Variants in ANO4 observed in about 807,000 individuals in gnomAD.
ANO4 encodes anoctamin 4.
ANO4 carries 69 observed loss-of-function variants against 141.9 expected under a neutral mutation model. The ratio of observed to expected loss-of-function variants is 0.49; its 90% CI spans 0.40 to 0.59. The LOEUF (loss-of-function observed/expected upper bound fraction) is 0.59, where lower values mean the gene tolerates loss of function less well. ANO4 is among the 20% of genes least tolerant of loss of function. The probability of loss-of-function intolerance (pLI) is 0.00; values close to 1 mark genes in which losing one functional copy is unlikely to be tolerated. For synonymous variants in ANO4, 350 were observed against 394.3 expected (o/e 0.89, Z 1.33); for missense variants, 894 against 1,162.2 (o/e 0.77, Z 3.36).
At chr12:100,736,951 C>T (rs1269747601) in intron 2 of ANO4, among the ~76,000 whole-genome samples, 2 of 152,106 alleles carry the variant, frequency 1.3e-5, no homozygotes, top group African/African-American at 4.8e-5. Context: ...CCCCCAGAAC[C>T]ATGAGAGAAT....
At chr12:100,890,126 G>A (rs2040032431) in intron 1 of ANO4, among the ~76,000 whole-genome samples, 1 of 152,068 alleles carries the variant, frequency 6.6e-6, no homozygotes, top group South Asian at 2.1e-4. Flanking sequence ...GCACCATGCT[G>A]TGTGAAAACA....
At chr12:100,938,480 A>C (rs1305480536) in intron 3 of ANO4, among the ~76,000 whole-genome samples, 1 of 152,226 alleles carries the variant, frequency 6.6e-6, no homozygotes, top group Non-Finnish European at 1.5e-5. Flanking sequence ...ACAGGTTATA[A>C]ACCCTCAGCC....
chr12:100,905,371 G>A (rs1263522141), intron 2 of ANO4, among the ~76,000 whole-genome samples: 1 of 152,052 alleles, frequency 6.6e-6, no homozygotes, highest in Non-Finnish European at 1.5e-5. Flanking sequence ...TGAACCACGA[G>A]CAAGAAGGCC....
chr12:100,859,224 G>A (rs2038345036), intron 1 of ANO4: 1 of 152,142 alleles, frequency 6.6e-6, no homozygotes, highest in Non-Finnish European at 1.5e-5. Flanking sequence ...GACTTGACTT[G>A]TTTTAGCCAG....
At chr12:100,737,202 A>G (rs2031653806) in intron 2 of ANO4, among the ~76,000 whole-genome samples, 2 of 152,170 alleles carry the variant, frequency 1.3e-5, no homozygotes, top group African/African-American at 2.4e-5. Flanking sequence ...GGATGGGTTG[A>G]TTAGGCTGCT....
At chr12:100,939,476 A>G (rs1290313997) in intron 4 of ANO4, 25 bp downstream of exon 4, 13 of 1,608,326 alleles carry the variant, frequency 8.1e-6, no homozygotes, top group Non-Finnish European at 1.1e-5. Context: ...TTTCTTACAA[A>G]TGTAATTCGT....
At chr12:101,043,659 A>G in intron 13 of ANO4, 24 bp downstream of exon 13, 1 of 1,546,360 alleles carries the variant, frequency 6.5e-7, no homozygotes, top group Admixed American at 1.7e-5. Flanking sequence ...GTAGCATTTT[A>G]GATGAATTGA....
At chr12:100,893,129 G>A (rs2040185606) in intron 1 of ANO4, among the ~76,000 whole-genome samples, 1 of 152,142 alleles carries the variant, frequency 6.6e-6, no homozygotes, top group South Asian at 2.1e-4. Flanking sequence ...GCTTGGTAGA[G>A]TTAGGGGTTG....
chr12:100,862,789 T>C (rs1248482402), intron 1 of ANO4, among the ~76,000 whole-genome samples: 1 of 152,204 alleles, frequency 6.6e-6, no homozygotes, highest in East Asian at 1.9e-4. Context: ...TAATAGGAAT[T>C]TTCCACTTCG....
intron 8 of ANO4, among the ~76,000 whole-genome samples, chr12:100,998,683 T>C (rs1021105559): frequency 1.4e-4 from 22 of 152,156 alleles, no homozygotes; most frequent in African/African-American, 5.3e-4. Context: ...AGGCTGCCCA[T>C]CAGCCATGAT....
intron 5 of ANO4, among the ~76,000 whole-genome samples, chr12:100,942,898 A>G (rs968925634): frequency 6.6e-6 from 1 of 152,192 alleles, no homozygotes; most frequent in Non-Finnish European, 1.5e-5. Flanking sequence ...CACTCTCTCT[A>G]GAGGCTCTTT....
intron 2 of ANO4, among the ~76,000 whole-genome samples, chr12:100,911,483 T>C (rs2041100967): frequency 6.6e-6 from 1 of 152,216 alleles, no homozygotes. Flanking sequence ...TGATTGCTTG[T>C]GTAATCGTCT....
intron 1 of ANO4, among the ~76,000 whole-genome samples, chr12:100,833,846 C>G (rs1322315185): frequency 2.0e-5 from 3 of 152,154 alleles, no homozygotes; most frequent in Non-Finnish European, 4.4e-5. Context: ...ACATGGACCC[C>G]ATGGGACTTG....
At chr12:100,863,886 C>G (rs532335318) in intron 1 of ANO4, among the ~76,000 whole-genome samples, 1 of 152,194 alleles carries the variant, frequency 6.6e-6, no homozygotes, top group Non-Finnish European at 1.5e-5. Flanking sequence ...ACTGCCTTGT[C>G]TTGATATATC....
chr12:100,920,935 T>C (rs2041601607), intron 2 of ANO4, among the ~76,000 whole-genome samples: 1 of 152,176 alleles, frequency 6.6e-6, no homozygotes, highest in South Asian at 2.1e-4. Flanking sequence ...TCCTAGTGGC[T>C]GCTCTGTGAG....
chr12:101,045,270 C>T (rs953137391), intron 13 of ANO4, among the ~76,000 whole-genome samples: 1 of 152,168 alleles, frequency 6.6e-6, no homozygotes, highest in African/African-American at 2.4e-5. Context: ...TATTCAGAGA[C>T]TCAAAGAGGT....
chr12:100,965,709 C>T (rs149862321), intron 5 of ANO4, among the ~76,000 whole-genome samples: 114 of 151,962 alleles, frequency 7.5e-4, no homozygotes, highest in African/African-American at 2.6e-3. Context: ...ATGCTTCTCA[C>T]TTGACTCTTC....
At chr12:101,082,760 T>C (rs1229887728) in intron 15 of ANO4, among the ~76,000 whole-genome samples, 1 of 152,222 alleles carries the variant, frequency 6.6e-6, no homozygotes, top group Non-Finnish European at 1.5e-5. Flanking sequence ...ACCTCTCTTC[T>C]GTCAGCTCGT....
At chr12:101,013,194 T>TA (rs2046173365) in intron 8 of ANO4, among the ~76,000 whole-genome samples, 1 of 152,264 alleles carries the variant, frequency 6.6e-6, no homozygotes, top group East Asian at 1.9e-4. Flanking sequence ...GTTTTGGAAA[T>TA]ATTTGGTTTG....
Sources: gnomAD v4.1 joint callset for allele counts (sites outside exome capture counted in the v4.1 genomes callset) on GRCh38, gnomAD v4.1.1 for gene constraint, MANE v1.5 for transcripts, NCBI Gene and HGNC (gene_info 2026-07-23, HGNC 2026-07-21) for gene names.